The following RHOH variants were observed in gnomAD, a reference collection of about 807,000 sequenced individuals.
RHOH encodes rho-related GTP-binding protein RhoH.
RHOH carries 6 observed loss-of-function variants against 13.8 expected under a neutral mutation model. The ratio of observed to expected loss-of-function variants is 0.44; its 90% CI spans 0.24 to 0.86. The LOEUF (loss-of-function observed/expected upper bound fraction) is 0.86. Among genes scored for constraint, RHOH ranks in the 40% least tolerant of loss-of-function variants. RHOH has a pLI of 0.24. For missense variants in RHOH, 147 were observed against 244.5 expected, an observed-to-expected ratio of 0.60 and a Z score of 2.66; for synonymous variants, 117 against 103.0, an observed-to-expected ratio of 1.14 and a Z score of -0.82.
chr4:40,202,614 G>T (rs1724152549), intron 1 of RHOH, among the ~76,000 whole-genome samples: 1 of 152,180 alleles, frequency 6.6e-6, no homozygotes, highest in Non-Finnish European at 1.5e-5. Flanking sequence ...CCCTGGGCAG[G>T]GTATTGTAAA....
chr4:40,232,096 G>A (rs1187028109), intron 1 of RHOH, among the ~76,000 whole-genome samples: 2 of 152,188 alleles, frequency 1.3e-5, no homozygotes, highest in African/African-American at 4.8e-5. Context: ...TATGTCTGGT[G>A]TTGCCATTAG....
chr4:40,224,505 C>T (rs189213611), intron 1 of RHOH, among the ~76,000 whole-genome samples: 30 of 152,234 alleles, frequency 2.0e-4, no homozygotes, highest in African/African-American at 6.3e-4. Context: ...GGGGTCCCCC[C>T]TAAGTACAGG....
chr4:40,201,856 A>G (rs576938175), intron 1 of RHOH, among the ~76,000 whole-genome samples: 1 of 152,280 alleles, frequency 6.6e-6, no homozygotes, highest in African/African-American at 2.4e-5. Flanking sequence ...ATGCATGAAC[A>G]TATTCACTGT....
chr4:40,208,507 TATC>T (rs1305590354), intron 1 of RHOH, among the ~76,000 whole-genome samples: 1 of 152,198 alleles, frequency 6.6e-6, no homozygotes, highest in Non-Finnish European at 1.5e-5. Context: ...TTATAAACAA[TATC>T]ATCAGCCAGT....
At chr4:40,213,372 T>TTC (rs1476943743) in intron 1 of RHOH, among the ~76,000 whole-genome samples, 7 of 147,780 alleles carry the variant, frequency 4.7e-5, no homozygotes, top group South Asian at 2.2e-4. Flanking sequence ...TTTTTTTTTT[T>TTC]TCTCTCTCTC....
In RHOH at chr4:40,245,239, A is replaced by G. The variant is rs1729688966; in HGVS notation, c.*1277A>G. On this transcript the variant is annotated 3_prime_UTR_variant, in exon 3 of 3. Coordinates refer to ENST00000381799, the MANE Select transcript of RHOH (RefSeq NM_004310.5). The stretch of plus-strand genomic sequence containing the variant: ...GTTAAAGTGGAGAACAGAGGACTAC[A>G]TAACTTAAGGTAGAAATTGCAAAGG... 1.3e-5 allele frequency: 2 copies of G among 152,234 alleles called. No individual in the cohort carries two copies. The highest frequency in any genetic ancestry group is 4.1e-4 in the South Asian group (2 of 4,836). The allele number at this position is 152,234 out of a possible 1,614,324, so 9.4% of individuals were successfully genotyped here. A position where few individuals can be genotyped will look rare whatever the true frequency, so the allele number is the denominator to read the frequency against.
At chr4:40,219,868 G>C (rs1206107329) in intron 1 of RHOH, among the ~76,000 whole-genome samples, 1 of 152,096 alleles carries the variant, frequency 6.6e-6, no homozygotes, top group Non-Finnish European at 1.5e-5. Context: ...CAGCAAAGTA[G>C]TATGCTGTTG....
chr4:40,203,095 C>T (rs1395805891), intron 1 of RHOH, among the ~76,000 whole-genome samples: 5 of 152,118 alleles, frequency 3.3e-5, no homozygotes, highest in African/African-American at 7.2e-5. Context: ...CCTCAGCCTC[C>T]GGAGTAGCTG....
intron 1 of RHOH, among the ~76,000 whole-genome samples, chr4:40,201,074 G>A (rs1235977960): frequency 6.6e-6 from 1 of 152,142 alleles, no homozygotes; most frequent in African/African-American, 2.4e-5. Flanking sequence ...AGAAGATACG[G>A]TTCTCATCAC....
In RHOH at chr4:40,244,616, A is replaced by G. The variant is rs1729642996; in HGVS notation, c.*654A>G. 1.0e-5 allele frequency: 2 copies of G among 198,544 alleles called. No individual in the cohort carries two copies. The highest frequency in any genetic ancestry group is 1.8e-4 in the East Asian group (2 of 11,382). The allele number at this position is 198,544 out of a possible 1,614,324, so 12.3% of individuals were successfully genotyped here. A position where few individuals can be genotyped will look rare whatever the true frequency, so the allele number is the denominator to read the frequency against. ...AATACTGCCTAATGATTTTAAAGTT[A>G]TCACTATATTTTTCTGAAATGATAA... On this transcript the variant is annotated 3_prime_UTR_variant, in exon 3 of 3. Transcript: ENST00000381799.
At chr4:40,231,515 GC>G (rs1421557111) in intron 1 of RHOH, among the ~76,000 whole-genome samples, 2 of 151,926 alleles carry the variant, frequency 1.3e-5, no homozygotes, top group South Asian at 2.1e-4. Context: ...TCTTCAGCAG[GC>G]CCCCCAGTGG....
chr4:40,215,406 T>A (rs1725755465), intron 1 of RHOH, among the ~76,000 whole-genome samples: 2 of 152,240 alleles, frequency 1.3e-5, no homozygotes, highest in African/African-American at 4.8e-5. Flanking sequence ...AAATATTTCT[T>A]CAGAGAGGGT....
At chr4:40,238,616 T>G (rs1348908050) in intron 1 of RHOH, among the ~76,000 whole-genome samples, 1 of 152,048 alleles carries the variant, frequency 6.6e-6, no homozygotes, top group Admixed American at 6.6e-5. Flanking sequence ...CCCTTTTCTA[T>G]GAAAATGGTA....
chr4:40,198,123 A>G (rs1723459363), intron 1 of RHOH, among the ~76,000 whole-genome samples: 1 of 152,238 alleles, frequency 6.6e-6, no homozygotes, highest in Non-Finnish European at 1.5e-5. Context: ...CAAGATGAGA[A>G]TTCAGTGATG....
chr4:40,206,027 T>TA (rs1297643496), intron 1 of RHOH, among the ~76,000 whole-genome samples: 2 of 152,226 alleles, frequency 1.3e-5, no homozygotes. Context: ...TATTGCATCA[T>TA]ACAGTCACAG....
intron 1 of RHOH, among the ~76,000 whole-genome samples, chr4:40,239,739 C>T (rs573393311): frequency 1.3e-5 from 2 of 152,010 alleles, no homozygotes; most frequent in African/African-American, 2.4e-5. Flanking sequence ...ATTAGCCAGG[C>T]GTGGTGGTGG....
At chr4:40,204,122 T>A (rs4552473) in intron 1 of RHOH, among the ~76,000 whole-genome samples, 7 of 152,068 alleles carry the variant, frequency 4.6e-5, no homozygotes. Context: ...CAGTAGCCAC[T>A]GTTCTGAGAT....
chr4:40,216,784 T>A (rs1163096986), intron 1 of RHOH, among the ~76,000 whole-genome samples: 1 of 152,210 alleles, frequency 6.6e-6, no homozygotes, highest in Non-Finnish European at 1.5e-5. Context: ...TCACTTAGAG[T>A]TGATTTTTAA....
chr4:40,226,490 C>A (rs569620296), intron 1 of RHOH, among the ~76,000 whole-genome samples: 27 of 147,272 alleles, frequency 1.8e-4, no homozygotes, highest in African/African-American at 6.8e-4. Context: ...CACGCCATTG[C>A]ACTCCAGCCT....
Sources: allele counts gnomAD v4.1 joint callset (sites outside exome capture counted in the v4.1 genomes callset), GRCh38; gene constraint gnomAD v4.1.1; transcripts MANE v1.5; gene names NCBI Gene and HGNC (gene_info 2026-07-23, HGNC 2026-07-21).